CTNND2: variants seen among roughly 807,000 people sequenced by gnomAD.
CTNND2 encodes catenin delta 2.
CTNND2 carries 22 observed loss-of-function variants against 144.4 expected under a neutral mutation model. That is an observed-to-expected ratio of 0.15 (90% CI 0.11 to 0.22). CTNND2 has a LOEUF of 0.22. Ranked by LOEUF, CTNND2 falls within the 10% of genes least tolerant of loss-of-function variation. The pLI is 1.00. For synonymous variants in CTNND2, 751 were observed against 695.6 expected, an observed-to-expected ratio of 1.08 and a Z score of -1.25; for missense variants, 1,353 against 1,618.8, an observed-to-expected ratio of 0.84 and a Z score of 2.82.
chr5:11,807,221 T>C (rs1024333549), intron 1 of CTNND2, among the ~76,000 whole-genome samples: 12 of 152,178 alleles, frequency 7.9e-5, no homozygotes, highest in African/African-American at 2.9e-4. Context: ...ACTTTAATAC[T>C]TTCCTATTTG....
At position 11,285,604 on chromosome 5, in the gene CTNND2, T is replaced by C. The variant is rs996201917; in HGVS notation, c.1629-48781A>G. 2.6e-5 allele frequency among the ~76,000 whole-genome samples: 4 copies of C among 151,962 alleles called. No individual in the cohort carries two copies. The East Asian group carries it at 5.8e-4, about 22-fold the overall frequency. ...ATTTTTCCCACTTCCCTCCAGAAAA[T>C]AGACAGCTGGCCCCTCTGCAACAAC... On this transcript the variant is annotated intron_variant, in intron 9 of 21. Coordinates refer to ENST00000304623, the MANE Select transcript of CTNND2 (RefSeq NM_001332.4).
At chr5:11,427,889 T>A (rs1416572789) in intron 3 of CTNND2, among the ~76,000 whole-genome samples, 1 of 152,168 alleles carries the variant, frequency 6.6e-6, no homozygotes, top group South Asian at 2.1e-4. Context: ...TACTCAAGAC[T>A]GGGAGGAAAA....
chr5:11,458,524 C>T lies in CTNND2; in HGVS notation c.288-46455G>A, dbSNP rs149884634. Among the ~76,000 whole-genome samples the T allele has an allele frequency of 8.3e-4, 126 of 152,264 alleles. 1 individual carries two copies. The highest frequency in any genetic ancestry group is 2.8e-3 in the African/African-American group (115 of 41,544). ...TGAGGATGTGAAATCTCCTAATGGA[C>T]GCTTTAGTGCCTGAGCAGACACAGT... On this transcript the variant is annotated intron_variant, in intron 3 of 21. Coordinates refer to ENST00000304623, the MANE Select transcript of CTNND2 (RefSeq NM_001332.4).
chr5:10,975,559 G>A (rs1053569834), intron 21 of CTNND2, among the ~76,000 whole-genome samples: 1 of 152,196 alleles, frequency 6.6e-6, no homozygotes, highest in African/African-American at 2.4e-5. Context: ...GTCATAGCTA[G>A]TGGTGTTGTG....
intron 12 of CTNND2, among the ~76,000 whole-genome samples, chr5:11,137,017 T>C (rs967111252): frequency 7.2e-5 from 11 of 152,212 alleles, no homozygotes; most frequent in Admixed American, 7.2e-4. Flanking sequence ...GCAAAGCCCA[T>C]GAAAATAGGG....
intron 2 of CTNND2, among the ~76,000 whole-genome samples, chr5:11,639,340 T>C (rs767019520): frequency 6.6e-6 from 1 of 152,138 alleles, no homozygotes; most frequent in Non-Finnish European, 1.5e-5. Context: ...TAGGAGCTTG[T>C]TGGAAACTCG....
intron 10 of CTNND2, among the ~76,000 whole-genome samples, chr5:11,223,318 C>T (rs1356239891): frequency 1.3e-5 from 2 of 152,140 alleles, no homozygotes; most frequent in Non-Finnish European, 2.9e-5. Context: ...TGGCTGAATC[C>T]CTGTGTGATC....
intron 2 of CTNND2, among the ~76,000 whole-genome samples, chr5:11,727,299 T>C (rs1178032206): frequency 1.3e-5 from 2 of 152,176 alleles, no homozygotes; most frequent in African/African-American, 2.4e-5. Context: ...ACACCCCATC[T>C]GGTCAATCTA....
At chr5:11,078,736 G>C (rs1343327217) in intron 16 of CTNND2, among the ~76,000 whole-genome samples, 2 of 152,068 alleles carry the variant, frequency 1.3e-5, no homozygotes, top group Non-Finnish European at 2.9e-5. Flanking sequence ...GATTTTATTG[G>C]GAATCCCAGT....
At chr5:11,555,787 T>A (rs1213333999) in intron 3 of CTNND2, among the ~76,000 whole-genome samples, 1 of 152,052 alleles carries the variant, frequency 6.6e-6, no homozygotes, top group Non-Finnish European at 1.5e-5. Context: ...GATTTTTGAA[T>A]TAGGAATATT....
intron 9 of CTNND2, among the ~76,000 whole-genome samples, chr5:11,337,279 T>C (rs1580946215): frequency 6.6e-6 from 1 of 152,350 alleles, no homozygotes. Context: ...CTCCATGAGA[T>C]TCCAGGGAAA....
chr5:11,112,003 C>G (rs1025610866), intron 13 of CTNND2, among the ~76,000 whole-genome samples: 1 of 152,012 alleles, frequency 6.6e-6, no homozygotes, highest in African/African-American at 2.4e-5. Context: ...CCCGCCACTA[C>G]GCCCAGCTAA....
intron 16 of CTNND2, among the ~76,000 whole-genome samples, chr5:11,066,629 C>T (rs188850608): frequency 5.3e-5 from 8 of 152,318 alleles, no homozygotes; most frequent in African/African-American, 1.9e-4. Flanking sequence ...CTCCTGAGGG[C>T]TGTGTCATGG....
chr5:11,117,485 G>C lies in CTNND2; in HGVS notation c.2242C>G (p.Gln748Glu), dbSNP rs866161619. Residue 748 changes from glutamine (Q) to glutamate (E), a missense_variant, in exon 13 of 22, where the codon CAG becomes GAG. This residue lies in a region of CTNND2 where 459 missense variants were observed against 674.3 expected (regional missense o/e 0.68). Transcript: ENST00000304623. ...ATCTCACTGCTCCCCAGCGCAGACT[G>C]GATCACGTACAGCAAGGCATCCGTA... ...GLTDALLYVIQSALGSSEIDS... is the reference protein window; with the variant it reads ...GLTDALLYVIESALGSSEIDS... The C allele has an allele frequency of 6.2e-7, 1 of 1,614,098 alleles. No homozygotes were observed. Among genetic ancestry groups the C allele is most frequent in the Admixed American group, 1.7e-5 (1 of 60,010 alleles).
intron 1 of CTNND2, among the ~76,000 whole-genome samples, chr5:11,764,904 A>T (rs1000889251): frequency 1.3e-5 from 2 of 151,610 alleles, no homozygotes; most frequent in African/African-American, 4.8e-5. Flanking sequence ...TACATGTATG[A>T]AAAAAAAAGT....
chr5:11,494,240 C>T (rs187271935), intron 3 of CTNND2, among the ~76,000 whole-genome samples: 264 of 152,282 alleles, frequency 1.7e-3, no homozygotes, highest in Non-Finnish European at 3.3e-3. Flanking sequence ...AACATTTTCT[C>T]ACTCTGATGA....
chr5:11,342,880 A>T (rs1026341130), intron 9 of CTNND2, among the ~76,000 whole-genome samples: 1 of 152,248 alleles, frequency 6.6e-6, no homozygotes, highest in African/African-American at 2.4e-5. Context: ...ATAGAACTCA[A>T]TAGCTGGTGT....
At chr5:11,344,340 G>A (rs914657335) in intron 9 of CTNND2, among the ~76,000 whole-genome samples, 4 of 151,800 alleles carry the variant, frequency 2.6e-5, no homozygotes, top group Non-Finnish European at 2.9e-5. Context: ...TGCAGTGAGC[G>A]GAGATCGCGC....
chr5:11,169,155 T>G (rs1759647768), intron 11 of CTNND2, among the ~76,000 whole-genome samples: 1 of 152,102 alleles, frequency 6.6e-6, no homozygotes, highest in African/African-American at 2.4e-5. Flanking sequence ...TCCCCATGGT[T>G]CCCCACCTTG....
Sources: gnomAD v4.1 joint callset for allele counts (sites outside exome capture counted in the v4.1 genomes callset) on GRCh38, gnomAD v4.1.1 for gene constraint, gnomAD v4.1.1 regional missense constraint, MANE v1.5 for transcripts, NCBI Gene and HGNC (gene_info 2026-07-23, HGNC 2026-07-21) for gene names.